Variants in STXBP6 observed in about 807,000 individuals in gnomAD.
The protein encoded by STXBP6 is syntaxin binding protein 6.
In STXBP6, 21 loss-of-function variants were observed where a neutral mutation model predicts 26.9. The observed-to-expected ratio is 0.78, with a 90% confidence interval of 0.55 to 1.12. The LOEUF is 1.12. Ranked by LOEUF, STXBP6 falls within the 50% of genes most tolerant of loss-of-function variation. STXBP6 has a pLI of 0.00. For missense variants in STXBP6, 232 were observed against 257.9 expected (o/e 0.90, Z 0.69); for synonymous variants, 97 against 92.6 (o/e 1.05, Z -0.27).
At chr14:24,890,333 A>G (rs1241628) in intron 2 of STXBP6, among the ~76,000 whole-genome samples, 55,596 of 152,104 alleles carry the variant, frequency 0.37, 10,388 homozygotes, top group East Asian at 0.43. Flanking sequence ...GGTAAACTGG[A>G]AGGAGGTTGG....
chr14:24,913,180 T>A (rs573178860), intron 2 of STXBP6, among the ~76,000 whole-genome samples: 32 of 152,238 alleles, frequency 2.1e-4, no homozygotes, highest in African/African-American at 7.5e-4. Context: ...AGCAGCTCAA[T>A]AGTTATGGTC....
At chr14:24,909,839 T>C (rs1000752955) in intron 2 of STXBP6, among the ~76,000 whole-genome samples, 2 of 151,140 alleles carry the variant, frequency 1.3e-5, no homozygotes, top group African/African-American at 4.9e-5. Context: ...TGTCAAAAAC[T>C]AAAATAAAAT....
intron 2 of STXBP6, among the ~76,000 whole-genome samples, chr14:24,938,410 A>T (rs1177006871): frequency 6.6e-6 from 1 of 152,112 alleles, no homozygotes; most frequent in African/African-American, 2.4e-5. Flanking sequence ...ACCATGCTTC[A>T]TACTTTATCC....
intron 2 of STXBP6, among the ~76,000 whole-genome samples, chr14:24,869,668 G>A (rs1184901732): frequency 6.6e-6 from 1 of 152,142 alleles, no homozygotes; most frequent in Non-Finnish European, 1.5e-5. Context: ...AGCCACAACT[G>A]TCAAAACGCT....
chr14:24,824,630 G>A (rs1483284132), intron 4 of STXBP6, among the ~76,000 whole-genome samples: 1 of 152,150 alleles, frequency 6.6e-6, no homozygotes, highest in Non-Finnish European at 1.5e-5. Flanking sequence ...CTTTTAAGAT[G>A]GAGATTCTTC....
chr14:24,969,247 C>A (rs1195016964), intron 2 of STXBP6, among the ~76,000 whole-genome samples: 1 of 152,144 alleles, frequency 6.6e-6, no homozygotes, highest in East Asian at 1.9e-4. Flanking sequence ...GTACTAATCA[C>A]AAAAATTAAA....
intron 4 of STXBP6, among the ~76,000 whole-genome samples, chr14:24,830,092 A>G (rs1324585248): frequency 6.6e-6 from 1 of 152,092 alleles, no homozygotes; most frequent in Non-Finnish European, 1.5e-5. Flanking sequence ...TATGTGTTCT[A>G]GAAAGTGAAA....
intron 5 of STXBP6, among the ~76,000 whole-genome samples, chr14:24,814,737 A>G (rs947769141): frequency 3.3e-5 from 5 of 152,220 alleles, no homozygotes; most frequent in African/African-American, 1.2e-4. Flanking sequence ...TAGAAGGTGG[A>G]ATCTTTGAGA....
rs532545217 is a variant in STXBP6 at position 24,997,986 on chromosome 14, T to G, written c.-32-23136A>C. On this transcript the variant is annotated intron_variant, in intron 1 of 5. Transcript: ENST00000323944. The stretch of plus-strand genomic sequence containing the variant: ...TAGTGGATATTCACACTCTTTCCAA[T>G]TTTTCAATGGTAAAAAATATAACCA... Among the ~76,000 whole-genome samples, 8 of 152,324 alleles carry G rather than the reference T, an allele frequency of 5.3e-5. No individual in the cohort carries two copies. In the East Asian group the frequency reaches 1.5e-3, roughly 29 times the overall value.
At position 24,826,628 on chromosome 14, in the gene STXBP6, A is replaced by G. The variant is rs546643582; in HGVS notation, c.452-7434T>C. 1.1e-4 allele frequency among the ~76,000 whole-genome samples: 16 copies of G among 152,136 alleles called. No individual in the cohort carries two copies. The East Asian group carries it at 3.1e-3, about 29-fold the overall frequency. On this transcript the variant is annotated intron_variant, in intron 4 of 5. Transcript: ENST00000323944. The stretch of plus-strand genomic sequence containing the variant: ...CAATGACCTATCGAGTCCATTGCCT[A>G]TTTTATGTTTCCTCCAGTTGGCCAT...
intron 1 of STXBP6, among the ~76,000 whole-genome samples, chr14:25,040,726 A>C (rs759033060): frequency 7.2e-5 from 11 of 152,358 alleles, no homozygotes; most frequent in Non-Finnish European, 1.5e-4. Context: ...ACTGTATGAC[A>C]GACACGCATA....
At chr14:24,985,163 G>A (rs1027006005) in intron 1 of STXBP6, among the ~76,000 whole-genome samples, 1 of 152,198 alleles carries the variant, frequency 6.6e-6, no homozygotes, top group African/African-American at 2.4e-5. Context: ...TGGCAAAGGA[G>A]TTGCACAGCC....
At chr14:24,962,318 T>TA (rs1456688209) in intron 2 of STXBP6, among the ~76,000 whole-genome samples, 1 of 149,122 alleles carries the variant, frequency 6.7e-6, no homozygotes, top group Non-Finnish European at 1.5e-5. Flanking sequence ...TTTATTTATT[T>TA]ATTTATTTAT....
chr14:24,900,859 C>G (rs2071186851), intron 2 of STXBP6, among the ~76,000 whole-genome samples: 1 of 152,140 alleles, frequency 6.6e-6, no homozygotes, highest in Non-Finnish European at 1.5e-5. Flanking sequence ...ACCAGGACTC[C>G]CAGTGGCCCA....
At chr14:24,932,191 G>A (rs910410044) in intron 2 of STXBP6, among the ~76,000 whole-genome samples, 6 of 152,182 alleles carry the variant, frequency 3.9e-5, no homozygotes, top group South Asian at 2.1e-4. Context: ...GGCAGATCAC[G>A]AGGTCAGGAA....
intron 1 of STXBP6, among the ~76,000 whole-genome samples, chr14:25,007,122 G>A (rs2074919778): frequency 6.6e-6 from 1 of 152,176 alleles, no homozygotes; most frequent in Non-Finnish European, 1.5e-5. Flanking sequence ...TGAACTATAT[G>A]CCCCTTTGGG....
chr14:25,041,891 A>G (rs776411780), intron 1 of STXBP6, among the ~76,000 whole-genome samples: 4 of 152,208 alleles, frequency 2.6e-5, no homozygotes, highest in Non-Finnish European at 5.9e-5. Flanking sequence ...ATCAGGCGTT[A>G]AAGACCCCAA....
intron 2 of STXBP6, among the ~76,000 whole-genome samples, chr14:24,880,366 C>T (rs1403403397): frequency 6.6e-6 from 1 of 152,128 alleles, no homozygotes; most frequent in Admixed American, 6.5e-5. Context: ...CTATTCCCAA[C>T]CTCTTGGGGG....
At chr14:24,898,550 G>A (rs58816267) in intron 2 of STXBP6, among the ~76,000 whole-genome samples, 9,315 of 152,112 alleles carry the variant, frequency 0.061, 327 homozygotes, top group East Asian at 0.1. Context: ...GGTGGCATGC[G>A]CCTATAGTCC....
Sources: allele counts gnomAD v4.1 joint callset (sites outside exome capture counted in the v4.1 genomes callset), GRCh38; gene constraint gnomAD v4.1.1; transcripts MANE v1.5; gene names NCBI Gene and HGNC (gene_info 2026-07-23, HGNC 2026-07-21).